NRP1: variants seen among roughly 807,000 people sequenced by gnomAD.
The protein encoded by NRP1 is neuropilin-1.
NRP1 carries 35 observed loss-of-function variants against 106.7 expected under a neutral mutation model. The observed-to-expected ratio is 0.33, with a 90% CI of 0.25 to 0.43. The LOEUF (loss-of-function observed/expected upper bound fraction) is 0.43. NRP1 is among the 20% of genes least tolerant of loss of function. The pLI is 1.00. For synonymous variants in NRP1, 437 were observed against 417.9 expected (o/e 1.05, Z -0.56); for missense variants, 1,024 against 1,170.4 (o/e 0.87, Z 1.83).
intron 6 of NRP1, among the ~76,000 whole-genome samples, chr10:33,252,659 G>A (rs959706714): frequency 6.6e-6 from 1 of 152,038 alleles, no homozygotes; most frequent in South Asian, 2.1e-4. Context: ...CCCCCGAGAG[G>A]CACATCTGTC....
intron 11 of NRP1, among the ~76,000 whole-genome samples, chr10:33,199,209 AT>A (rs1170314925): frequency 6.7e-6 from 1 of 150,348 alleles, no homozygotes; most frequent in African/African-American, 2.4e-5. Flanking sequence ...TGAAATCTGT[AT>A]TTTTTTGAGA....
rs186283582 is a variant in NRP1 at position 33,216,542 on chromosome 10, C to T, written c.1283-2825G>A. The stretch of plus-strand genomic sequence containing the variant: ...GATCATGGCTCACTGCAGCCTTGAA[C>T]TCTTGGCCTCAAGCAATCCTCCCAC... On this transcript the variant is annotated intron_variant, in intron 8 of 16. Coordinates refer to ENST00000374867, the MANE Select transcript of NRP1 (RefSeq NM_003873.7). Among the ~76,000 whole-genome samples, 52 of 152,086 alleles carry T rather than the reference C, an allele frequency of 3.4e-4. No individual in the cohort carries two copies. The East Asian group carries it at 0.01, about 30-fold the overall frequency.
At chr10:33,261,237 A>G (rs541355426) in intron 4 of NRP1, among the ~76,000 whole-genome samples, 1 of 152,342 alleles carries the variant, frequency 6.6e-6, no homozygotes, top group South Asian at 2.1e-4. Context: ...GTGATTTTCT[A>G]GAGCCAGAAA....
chr10:33,280,757 A>T (rs1000213983), intron 2 of NRP1, among the ~76,000 whole-genome samples: 1 of 152,050 alleles, frequency 6.6e-6, no homozygotes, highest in Non-Finnish European at 1.5e-5. Flanking sequence ...CGAGGTGGGC[A>T]GACTGCTTGA....
At chr10:33,244,718 C>T (rs889324110) in intron 6 of NRP1, among the ~76,000 whole-genome samples, 14 of 152,120 alleles carry the variant, frequency 9.2e-5, no homozygotes, top group African/African-American at 3.4e-4. Context: ...CAATTCTTTA[C>T]TCTTGATTAT....
At chr10:33,189,504 T>C (rs548220779) in intron 13 of NRP1, among the ~76,000 whole-genome samples, 1 of 152,316 alleles carries the variant, frequency 6.6e-6, no homozygotes, top group East Asian at 1.9e-4. Flanking sequence ...AGACTGCGAG[T>C]TCCTCAAGCG....
Position 33,213,598 on chromosome 10 carries a change from G to A in NRP1, c.1402C>T (p.Arg468Cys), listed in dbSNP as rs532348709. 26 of 1,614,108 alleles carry A rather than the reference G, an allele frequency of 1.6e-5. No homozygotes were observed. Among genetic ancestry groups the A allele is most frequent in the Non-Finnish European group, 2.1e-5 (25 of 1,180,030 alleles). ...MPENIRLVTS[R>C]SGWALPPAPH... Reference sequence around the variant, plus strand: ...GCGGGTGGAAGTGCCCAGCCAGAGCGACTGGTTACCAGGCGGATGTTTTCA... The same window carrying A: ...GCGGGTGGAAGTGCCCAGCCAGAGCAACTGGTTACCAGGCGGATGTTTTCA... The change falls in exon 9 of 17, where the codon CGC (arginine) becomes TGC (cysteine). Residue 468 changes from arginine to cysteine, a missense_variant. This residue lies in a region of NRP1 where 562 missense variants were observed against 620.3 expected (regional missense o/e 0.91). Coordinates refer to ENST00000374867, the MANE Select transcript of NRP1 (RefSeq NM_003873.7).
intron 2 of NRP1, among the ~76,000 whole-genome samples, chr10:33,293,632 A>T (rs1025870400): frequency 1.1e-4 from 17 of 152,194 alleles, no homozygotes; most frequent in Non-Finnish European, 1.6e-4. Flanking sequence ...TGCTTTTTCT[A>T]TTAAAACACA....
chr10:33,216,727 C>T (rs564662920), intron 8 of NRP1, among the ~76,000 whole-genome samples: 55 of 152,100 alleles, frequency 3.6e-4, no homozygotes, highest in Non-Finnish European at 6.5e-4. Flanking sequence ...CAGGCTTGAG[C>T]CACCATATCC....
Position 33,334,515 on chromosome 10 carries a change from G to A in NRP1, c.-133C>T, listed in dbSNP as rs35320960. ...GCTGTACAATCCTCAGCCCGTCTTGGAGAAAAGAAAGCAGCGAGGCAATGC... is the reference window on the plus strand; with the variant it reads ...GCTGTACAATCCTCAGCCCGTCTTGAAGAAAAGAAAGCAGCGAGGCAATGC... On this transcript the variant is annotated 5_prime_UTR_variant, in exon 1 of 17. Coordinates refer to ENST00000374867, the MANE Select transcript of NRP1 (RefSeq NM_003873.7). 36,334 of 750,526 alleles carry A rather than the reference G, an allele frequency of 0.048. 1,101 individuals carry two copies. The highest frequency in any genetic ancestry group is 0.098 in the Middle Eastern group (423 of 4,302). 46.5% of individuals were successfully genotyped at this position (750,526 alleles called of 1,614,324 possible).
intron 4 of NRP1, among the ~76,000 whole-genome samples, chr10:33,260,102 G>A (rs1349981256): frequency 3.3e-5 from 5 of 152,096 alleles, no homozygotes; most frequent in Admixed American, 2.6e-4. Flanking sequence ...GCCTCAAGCA[G>A]TCCCTCCCAC....
Position 33,283,340 on chromosome 10 carries a change from C to T in NRP1, c.249-12484G>A, listed in dbSNP as rs536388741. 2.6e-5 allele frequency among the ~76,000 whole-genome samples: 4 copies of T among 152,120 alleles called. No individual in the cohort carries two copies. In the South Asian group the frequency reaches 8.3e-4, roughly 32 times the overall value. ...TACATTCATGCTTAGAGTACTTGTC[C>T]GTTTTCTTTTTTTCATTTTTTGAAA... is the stretch of plus-strand genomic sequence containing the variant. On this transcript the variant is annotated intron_variant, in intron 2 of 16. Transcript: ENST00000374867.
At chr10:33,221,618 G>T in intron 8 of NRP1, 101 bp downstream of exon 8, 1 of 1,236,548 alleles carries the variant, frequency 8.1e-7, no homozygotes, top group Non-Finnish European at 1.1e-6. Context: ...AAAAATGATT[G>T]CATTTACAAA....
chr10:33,267,217 C>A (rs1232340040), intron 3 of NRP1, among the ~76,000 whole-genome samples: 1 of 152,038 alleles, frequency 6.6e-6, no homozygotes, highest in Non-Finnish European at 1.5e-5. Context: ...GAACTGTGAG[C>A]CAATTAAACC....
rs554107043 is a variant in NRP1 at position 33,303,195 on chromosome 10, T to G, written c.248+27513A>C. ...CTTTTCCTCTACCTTCTTTCTAAAC[T>G]GGGTGAGTAGATCAAAGTGTACCAA... On this transcript the variant is annotated intron_variant, in intron 2 of 16. Transcript: ENST00000374867. Among the ~76,000 whole-genome samples the G allele has an allele frequency of 3.9e-5, 6 of 152,274 alleles. No homozygotes were observed. In the South Asian group the frequency reaches 1.2e-3, roughly 32 times the overall value.
At chr10:33,280,530 G>GA (rs984825956) in intron 2 of NRP1, among the ~76,000 whole-genome samples, 5 of 150,072 alleles carry the variant, frequency 3.3e-5, no homozygotes, top group South Asian at 2.1e-4. Flanking sequence ...GTTCTTCAGG[G>GA]AAAAAAAAAT....
chr10:33,287,487 C>A (rs564777205), intron 2 of NRP1, among the ~76,000 whole-genome samples: 1 of 152,250 alleles, frequency 6.6e-6, no homozygotes, highest in Non-Finnish European at 1.5e-5. Context: ...TTACATAGCC[C>A]ATTTTTCTGA....
intron 2 of NRP1, among the ~76,000 whole-genome samples, chr10:33,271,900 A>G (rs1243002982): frequency 6.6e-6 from 1 of 152,112 alleles, no homozygotes; most frequent in Non-Finnish European, 1.5e-5. Context: ...TTCATCTTCC[A>G]TTTTTCTTCT....
At chr10:33,329,464 G>A (rs1331575859) in intron 2 of NRP1, among the ~76,000 whole-genome samples, 1 of 152,152 alleles carries the variant, frequency 6.6e-6, no homozygotes, top group Non-Finnish European at 1.5e-5. Flanking sequence ...CTACAGGTAG[G>A]AAGATTTTGA....
Sources: gnomAD v4.1 joint callset for allele counts (sites outside exome capture counted in the v4.1 genomes callset) on GRCh38, gnomAD v4.1.1 for gene constraint, gnomAD v4.1.1 regional missense constraint, MANE v1.5 for transcripts, NCBI Gene and HGNC (gene_info 2026-07-23, HGNC 2026-07-21) for gene names.